CAPZB: variants seen among roughly 807,000 people sequenced by gnomAD.
The protein encoded by CAPZB is F-actin-capping protein subunit beta.
In CAPZB, 2 loss-of-function variants were observed where a neutral mutation model predicts 38.1. The observed-to-expected ratio is 0.05, with a 90% CI of 0.02 to 0.17. The LOEUF (loss-of-function observed/expected upper bound fraction) is 0.17. CAPZB is among the 10% of genes least tolerant of loss of function. The pLI is 1.00. For missense variants in CAPZB, 161 were observed against 334.2 expected, an observed-to-expected ratio of 0.48 and a Z score of 4.04; for synonymous variants, 107 against 127.4, an observed-to-expected ratio of 0.84 and a Z score of 1.08.
intron 6 of CAPZB, among the ~76,000 whole-genome samples, chr1:19,354,547 C>T (rs935857028): frequency 1.6e-4 from 25 of 152,328 alleles, no homozygotes; most frequent in Admixed American, 5.9e-4. Flanking sequence ...CTCATTAAAG[C>T]CCCCAGAGCA....
intron 1 of CAPZB, among the ~76,000 whole-genome samples, chr1:19,438,335 C>T (rs530658929): frequency 2.6e-5 from 4 of 152,200 alleles, no homozygotes; most frequent in East Asian, 1.9e-4. Context: ...TGCGGCTTAG[C>T]GTACTTCGAT....
chr1:19,416,345 G>T (rs1176508379), intron 2 of CAPZB, among the ~76,000 whole-genome samples: 1 of 152,158 alleles, frequency 6.6e-6, no homozygotes, highest in Admixed American at 6.5e-5. Context: ...AACCTGGCAA[G>T]CAGGAGAAAC....
rs143997613 is a variant in CAPZB, at chr1:19,424,200, T to C, written c.4-4450A>G. ...TAAGCCAAGACAAAGGTATGATAAA[T>C]ACAACATTTAAGAAGAGTAGAAGAG... On this transcript the variant is annotated intron_variant, in intron 1 of 8. Transcript: ENST00000264202. Among the ~76,000 whole-genome samples, 739 of 151,770 alleles carry C rather than the reference T, an allele frequency of 4.9e-3. 6 individuals are homozygous for C. The highest frequency in any genetic ancestry group is 0.017 in the African/African-American group (687 of 41,324).
In CAPZB at chr1:19,427,558, C is replaced by T. The variant is rs116348304; in HGVS notation, c.4-7808G>A. Among the ~76,000 whole-genome samples the T allele has an allele frequency of 1.8e-3, 273 of 152,292 alleles. 1 individual carries two copies. Among genetic ancestry groups the T allele is most frequent in the African/African-American group, 6.3e-3 (261 of 41,546 alleles). ...GCCCGGGAACAGTTTGTGCTGGGGG[C>T]GATTTGGAGAAGGAATCCTGGGCCG... On this transcript the variant is annotated intron_variant, in intron 1 of 8. Transcript: ENST00000264202.
At chr1:19,391,449 T>C (rs994005007) in intron 2 of CAPZB, among the ~76,000 whole-genome samples, 1 of 148,298 alleles carries the variant, frequency 6.7e-6, no homozygotes, top group Non-Finnish European at 1.5e-5. Flanking sequence ...AAACAGATTC[T>C]GCGTACTTGG....
intron 1 of CAPZB, among the ~76,000 whole-genome samples, chr1:19,466,539 A>C (rs577457894): frequency 6.6e-6 from 1 of 152,206 alleles, no homozygotes; most frequent in African/African-American, 2.4e-5. Context: ...GCAGTCACTC[A>C]AAACGTGTGA....
intron 1 of CAPZB, among the ~76,000 whole-genome samples, chr1:19,447,272 CTTT>C (rs35692222): frequency 8.0e-5 from 6 of 74,876 alleles, no homozygotes; most frequent in Non-Finnish European, 1.2e-4. Flanking sequence ...CAGACCTAAT[CTTT>C]TTTTTTTTTT....
chr1:19,429,854 A>G (rs1570245119), intron 1 of CAPZB, among the ~76,000 whole-genome samples: 1 of 151,862 alleles, frequency 6.6e-6, no homozygotes, highest in South Asian at 2.1e-4. Context: ...ACTCCACACA[A>G]CCGCCCCTGC....
At chr1:19,432,042 C>CAAAAAAAAAAAAAAA (rs10583269) in intron 1 of CAPZB, among the ~76,000 whole-genome samples, 1 of 122,548 alleles carries the variant, frequency 8.2e-6, no homozygotes, top group African/African-American at 3.2e-5. Context: ...GATCCTGTCT[C>CAAAAAAAAAAAAAAA]AAAAAAAAAA....
chr1:19,445,034 C>T (rs566670985), intron 1 of CAPZB, among the ~76,000 whole-genome samples: 5 of 152,134 alleles, frequency 3.3e-5, no homozygotes, highest in South Asian at 2.1e-4. Context: ...TAAGCCACCA[C>T]GCCTGGCCTT....
At chr1:19,353,655 G>GGCAGA (rs2094004252) in intron 6 of CAPZB, among the ~76,000 whole-genome samples, 2 of 152,136 alleles carry the variant, frequency 1.3e-5, no homozygotes, top group African/African-American at 4.8e-5. Flanking sequence ...CAAGCCGACT[G>GGCAGA]GCAGAGCCAC....
At chr1:19,397,857 C>T (rs151330214) in intron 2 of CAPZB, among the ~76,000 whole-genome samples, 356 of 152,208 alleles carry the variant, frequency 2.3e-3, no homozygotes, top group Non-Finnish European at 3.8e-3. Context: ...GCGCGCCACC[C>T]GAATGCGGGA....
At chr1:19,397,081 CTG>C (rs3042973) in intron 2 of CAPZB, among the ~76,000 whole-genome samples, 32,169 of 152,122 alleles carry the variant, frequency 0.21, 3,787 homozygotes, top group East Asian at 0.36. Context: ...TCCAAAGACA[CTG>C]TAATTTCACA....
chr1:19,379,083 C>T (rs755231783), intron 3 of CAPZB, among the ~76,000 whole-genome samples: 1 of 145,146 alleles, frequency 6.9e-6, no homozygotes, highest in African/African-American at 2.7e-5. Context: ...GTGTTCACCA[C>T]CTATTTTTTT....
At chr1:19,484,240 A>C in intron 1 of CAPZB, 1 of 1,612,614 alleles carries the variant, frequency 6.2e-7, no homozygotes, top group South Asian at 1.1e-5. Flanking sequence ...GCAAGCTGAC[A>C]GTTCAGAGGG....
intron 1 of CAPZB, among the ~76,000 whole-genome samples, chr1:19,467,640 C>G (rs764775480): frequency 5.9e-5 from 9 of 152,308 alleles, no homozygotes; most frequent in Non-Finnish European, 1.2e-4. Context: ...GGTATCAGCT[C>G]AGATATTTAA....
chr1:19,459,482 T>A (rs550846691), intron 1 of CAPZB, among the ~76,000 whole-genome samples: 25 of 152,316 alleles, frequency 1.6e-4, no homozygotes, highest in African/African-American at 6.0e-4. Flanking sequence ...TTGATTTTTT[T>A]AAAACCTTCT....
intron 2 of CAPZB, among the ~76,000 whole-genome samples, chr1:19,391,429 T>A (rs931526262): frequency 2.6e-5 from 4 of 151,948 alleles, no homozygotes; most frequent in Non-Finnish European, 4.4e-5. Flanking sequence ...ACCAGCAAGA[T>A]AGGAATCAAA....
chr1:19,420,094 T>A, intron 1 of CAPZB: 1 of 252,204 alleles, frequency 4.0e-6, no homozygotes, highest in Admixed American at 5.3e-5. Flanking sequence ...GGTTCCATGG[T>A]GAACACACTC....
Sources: gnomAD v4.1 joint callset for allele counts (sites outside exome capture counted in the v4.1 genomes callset) on GRCh38, gnomAD v4.1.1 for gene constraint, MANE v1.5 for transcripts, NCBI Gene and HGNC (gene_info 2026-07-23, HGNC 2026-07-21) for gene names.